The following NARS2 variants were observed in gnomAD, a reference collection of about 807,000 sequenced individuals.
NARS2 encodes asparaginyl-tRNA synthetase.
In NARS2, 60 loss-of-function variants were observed where a neutral mutation model predicts 62.9. The ratio of observed to expected loss-of-function variants is 0.95; its 90% CI spans 0.77 to 1.18. The LOEUF (loss-of-function observed/expected upper bound fraction) is 1.18, where lower values mean the gene tolerates loss of function less well. NARS2 is among the 50% of genes most tolerant of loss of function. The pLI is 0.00. For missense variants in NARS2, 619 were observed against 576.4 expected (o/e 1.07, Z -0.76); for synonymous variants, 196 against 200.0 (o/e 0.98, Z 0.17).
intron 6 of NARS2, among the ~76,000 whole-genome samples, chr11:78,499,728 C>T (rs533125656): frequency 1.3e-5 from 2 of 152,120 alleles, no homozygotes; most frequent in African/African-American, 4.8e-5. Flanking sequence ...GTAAACACAG[C>T]AGTATATGAT....
intron 6 of NARS2, among the ~76,000 whole-genome samples, chr11:78,508,311 G>A: frequency 6.6e-6 from 1 of 152,300 alleles, no homozygotes; most frequent in East Asian, 1.9e-4. Context: ...AAAAGGCAAA[G>A]AGAGTATCTG....
At chr11:78,516,740 AAGAT>A (rs1860926440) in intron 6 of NARS2, among the ~76,000 whole-genome samples, 2 of 152,246 alleles carry the variant, frequency 1.3e-5, no homozygotes, top group Non-Finnish European at 2.9e-5. Flanking sequence ...ATGGGAAGAT[AAGAT>A]AATAATTTCA....
intron 9 of NARS2, among the ~76,000 whole-genome samples, chr11:78,477,979 C>T (rs183550213): frequency 2.0e-5 from 3 of 152,318 alleles, no homozygotes; most frequent in Admixed American, 6.5e-5. Flanking sequence ...CTCTGGAGAA[C>T]TCTAATACAC....
At chr11:78,462,096 G>T (rs1008783362) in intron 11 of NARS2, among the ~76,000 whole-genome samples, 2 of 152,180 alleles carry the variant, frequency 1.3e-5, no homozygotes, top group African/African-American at 4.8e-5. Flanking sequence ...TCTTTATAGA[G>T]AAGAAAATTC....
intron 6 of NARS2, among the ~76,000 whole-genome samples, chr11:78,526,186 C>G (rs1218362635): frequency 6.6e-6 from 1 of 152,042 alleles, no homozygotes; most frequent in Non-Finnish European, 1.5e-5. Flanking sequence ...AAGATGTTTA[C>G]AATGGGGGAA....
At chr11:78,463,769 G>A (rs1591152823) in intron 11 of NARS2, among the ~76,000 whole-genome samples, 2 of 145,698 alleles carry the variant, frequency 1.4e-5, no homozygotes, top group African/African-American at 5.1e-5. Flanking sequence ...AGGGATGAGA[G>A]AGACAAAACA....
At chr11:78,485,499 T>C (rs777595852) in intron 7 of NARS2, among the ~76,000 whole-genome samples, 4 of 152,136 alleles carry the variant, frequency 2.6e-5, no homozygotes, top group African/African-American at 9.7e-5. Flanking sequence ...GTCAACTTGA[T>C]TAATAACCTG....
At chr11:78,487,148 G>C (rs190976546) in intron 7 of NARS2, among the ~76,000 whole-genome samples, 1 of 152,132 alleles carries the variant, frequency 6.6e-6, no homozygotes, top group East Asian at 1.9e-4. Flanking sequence ...TTGAGGTCAG[G>C]AGTTTGAGAC....
chr11:78,501,232 GTTTC>G (rs747645656), intron 6 of NARS2, among the ~76,000 whole-genome samples: 2 of 152,144 alleles, frequency 1.3e-5, no homozygotes, highest in Admixed American at 6.5e-5. Context: ...ACTTTTATAA[GTTTC>G]TTTAATGTCT....
At chr11:78,463,203 A>G (rs1036484646) in intron 11 of NARS2, among the ~76,000 whole-genome samples, 5 of 152,054 alleles carry the variant, frequency 3.3e-5, no homozygotes, top group Non-Finnish European at 5.9e-5. Context: ...TAGATAGACT[A>G]CAGGTGCACA....
chr11:78,525,778 T>C (rs930575640), intron 6 of NARS2, among the ~76,000 whole-genome samples: 12 of 152,080 alleles, frequency 7.9e-5, no homozygotes, highest in African/African-American at 2.9e-4. Context: ...TAAAGAAACT[T>C]GGCAAACACT....
intron 6 of NARS2, among the ~76,000 whole-genome samples, chr11:78,496,658 T>A (rs1038290815): frequency 3.9e-5 from 6 of 152,174 alleles, no homozygotes; most frequent in African/African-American, 1.4e-4. Context: ...GGAAGCAGTT[T>A]GGCATATTAT....
At chr11:78,483,922 G>A (rs1859462882) in intron 7 of NARS2, among the ~76,000 whole-genome samples, 1 of 152,134 alleles carries the variant, frequency 6.6e-6, no homozygotes, top group Non-Finnish European at 1.5e-5. Flanking sequence ...AAGAGAGCCT[G>A]TATAGCCAAG....
chr11:78,544,841 G>A (rs866000879), intron 5 of NARS2, among the ~76,000 whole-genome samples: 6 of 149,748 alleles, frequency 4.0e-5, no homozygotes, highest in East Asian at 2.0e-4. Flanking sequence ...TTAGCTGCGC[G>A]TGGTGGTGGG....
chr11:78,496,710 G>A (rs1004060240), intron 6 of NARS2, among the ~76,000 whole-genome samples: 2 of 140,734 alleles, frequency 1.4e-5, no homozygotes, highest in African/African-American at 5.3e-5. Flanking sequence ...TCTCTAGAAT[G>A]TTATCTTCAT....
rs577472005 is a variant in NARS2, at chr11:78,479,609, T to C, written c.823-926A>G. On this transcript the variant is annotated intron_variant, in intron 7 of 13. Coordinates refer to ENST00000281038, the MANE Select transcript of NARS2 (RefSeq NM_024678.6). ...AAAAAAGTGACTGGAATGAAAAATA[T>C]TTCTAAAATGTTTTTATTCACAACT... Among the ~76,000 whole-genome samples, 159 of 152,344 alleles carry C rather than the reference T, an allele frequency of 1.0e-3. 1 individual carries two copies. Among genetic ancestry groups the C allele is most frequent in the African/African-American group, 3.6e-3 (150 of 41,576 alleles).
At chr11:78,457,644 A>G (rs1339526777) in intron 11 of NARS2, among the ~76,000 whole-genome samples, 2 of 152,216 alleles carry the variant, frequency 1.3e-5, no homozygotes, top group African/African-American at 2.4e-5. Context: ...GAAGTATGTT[A>G]AAGTCCCAGT....
At chr11:78,442,911 T>C (rs1049513532) in intron 12 of NARS2, among the ~76,000 whole-genome samples, 11 of 152,230 alleles carry the variant, frequency 7.2e-5, no homozygotes, top group African/African-American at 2.4e-4. Context: ...CTAAATGCTA[T>C]CTGACTAGTT....
chr11:78,490,326 T>C (rs1011022037), intron 7 of NARS2, among the ~76,000 whole-genome samples: 1 of 152,088 alleles, frequency 6.6e-6, no homozygotes, highest in Non-Finnish European at 1.5e-5. Context: ...TTTAATCAGT[T>C]CCCAACTTAT....
Sources: allele counts gnomAD v4.1 joint callset (sites outside exome capture counted in the v4.1 genomes callset), GRCh38; gene constraint gnomAD v4.1.1; transcripts MANE v1.5; gene names NCBI Gene and HGNC (gene_info 2026-07-23, HGNC 2026-07-21).